The following SNX29 variants were observed in gnomAD, a reference collection of about 807,000 sequenced individuals.
SNX29 encodes the protein sorting nexin-29.
A neutral mutation model predicts 102.1 loss-of-function variants in SNX29; 78 were observed. The observed-to-expected ratio is 0.76, with a 90% confidence interval of 0.64 to 0.92. The LOEUF (loss-of-function observed/expected upper bound fraction) is 0.92, where lower values mean the gene tolerates loss of function less well. Ranked by LOEUF, SNX29 falls within the 40% of genes least tolerant of loss-of-function variation. SNX29 has a pLI of 0.00. For missense variants in SNX29, 1,280 were observed against 1,061.7 expected (o/e 1.21, Z -2.86); for synonymous variants, 580 against 414.5 (o/e 1.40, Z -4.85).
chr16:12,506,150 G>A (rs976430938), intron 19 of SNX29, among the ~76,000 whole-genome samples: 4 of 152,254 alleles, frequency 2.6e-5, no homozygotes, highest in South Asian at 4.1e-4. Flanking sequence ...TAGTAGAGAC[G>A]GAGTTTCACC....
At chr16:12,483,114 G>GTTTTTTGTTT (rs2088031350) in intron 19 of SNX29, among the ~76,000 whole-genome samples, 1 of 66,196 alleles carries the variant, frequency 1.5e-5, no homozygotes, top group African/African-American at 6.1e-5. Flanking sequence ...AAGTTATTAA[G>GTTTTTTGTTT]TTTTTTTTTT....
Position 12,573,255 on chromosome 16 carries a change from G to GTCA in SNX29, c.*4629_*4631dup. On this transcript the variant is annotated 3_prime_UTR_variant, in exon 21 of 21. Coordinates refer to ENST00000566228, the MANE Select transcript of SNX29 (RefSeq NM_032167.5). ...TGGTTGTTGAAATGTACCTCGATCAGTCATCTCTGGTATTCCTCACTCTAG... is the reference window on the plus strand; with the variant it reads ...TGGTTGTTGAAATGTACCTCGATCAGTCATCATCTCTGGTATTCCTCACTCTAG... 1 of 227,144 alleles carries GTCA rather than the reference G, an allele frequency of 4.4e-6. No homozygotes were observed. Among genetic ancestry groups the GTCA allele is most frequent in the Non-Finnish European group, 8.7e-6 (1 of 114,306 alleles). The allele number at this position is 227,144 out of a possible 1,614,324, so 14.1% of individuals were successfully genotyped here.
At chr16:12,421,278 C>G (rs2084861180) in intron 18 of SNX29, among the ~76,000 whole-genome samples, 1 of 152,152 alleles carries the variant, frequency 6.6e-6, no homozygotes, top group Non-Finnish European at 1.5e-5. Context: ...TCCTAAGAGC[C>G]AAGGAGGTGG....
chr16:12,329,277 A>AAAC (rs1491098617), intron 15 of SNX29, among the ~76,000 whole-genome samples: 1 of 2,876 alleles, frequency 3.5e-4, no homozygotes, highest in Non-Finnish European at 9.4e-4. Flanking sequence ...ACCTTGTCTC[A>AAAC]AAAAAAAAAA....
chr16:12,137,462 C>T (rs1465236549), intron 13 of SNX29, among the ~76,000 whole-genome samples: 3 of 152,164 alleles, frequency 2.0e-5, no homozygotes, highest in Non-Finnish European at 4.4e-5. Context: ...TTATTTGTCC[C>T]TGCTGGGCTG....
chr16:12,568,435 T>TCC (rs1270882708), intron 20 of SNX29, 71 bp from the exon 21 acceptor site: 29 of 1,583,382 alleles, frequency 1.8e-5, no homozygotes, highest in Non-Finnish European at 2.4e-5. Context: ...CACACCTGGC[T>TCC]CCCCTTCCTG....
chr16:12,411,102 C>A (rs2084380245), intron 18 of SNX29, among the ~76,000 whole-genome samples: 1 of 152,214 alleles, frequency 6.6e-6, no homozygotes, highest in South Asian at 2.1e-4. Flanking sequence ...CTCTGAGAAG[C>A]CTCTGCCTTA....
intron 18 of SNX29, among the ~76,000 whole-genome samples, chr16:12,412,098 G>A (rs558969548): frequency 6.6e-5 from 10 of 152,214 alleles, no homozygotes; most frequent in Non-Finnish European, 1.2e-4. Flanking sequence ...CGAAGTTCAA[G>A]GGCGGTTACA....
At position 12,096,086 on chromosome 16, in the gene SNX29, G is replaced by A. The variant is rs1343032239; in HGVS notation, c.1402+17171G>A. Among the ~76,000 whole-genome samples, 1 of 152,240 alleles carries A rather than the reference G, an allele frequency of 6.6e-6. No individual in the cohort carries two copies. The highest frequency in any genetic ancestry group is 1.5e-5 in the Non-Finnish European group (1 of 68,044). On this transcript the variant is annotated intron_variant, in intron 11 of 20. Transcript: ENST00000566228. The surrounding 1 kb of genome is among the most constrained non-coding windows in gnomAD (Gnocchi z 4.2). ...ATAAAATTTTAGGATGAGATGGTGG[G>A]GCAGTGGCCGTTAAATCGGCTGCAG...
chr16:12,467,762 A>G (rs1054411486), intron 18 of SNX29, among the ~76,000 whole-genome samples: 1 of 152,192 alleles, frequency 6.6e-6, no homozygotes, highest in Non-Finnish European at 1.5e-5. Flanking sequence ...GACCAGATCC[A>G]TGTCCTCATG....
At chr16:12,122,111 C>T (rs374545935) in intron 11 of SNX29, among the ~76,000 whole-genome samples, 11 of 152,306 alleles carry the variant, frequency 7.2e-5, no homozygotes, top group East Asian at 1.9e-4. Flanking sequence ...CCACTGTGCC[C>T]GGCCAGGATG....
chr16:12,284,955 A>G (rs8061549), intron 15 of SNX29, among the ~76,000 whole-genome samples: 81,282 of 151,908 alleles, frequency 0.54, 22,191 homozygotes, highest in Non-Finnish European at 0.6. Flanking sequence ...CGAACTCCTG[A>G]CCTCAGGTGA....
chr16:12,306,409 A>G (rs550355298), intron 15 of SNX29, among the ~76,000 whole-genome samples: 27 of 152,012 alleles, frequency 1.8e-4, no homozygotes, highest in African/African-American at 5.1e-4. Context: ...AGAGAGAACA[A>G]TGTCCTCCAG....
intron 14 of SNX29, among the ~76,000 whole-genome samples, chr16:12,270,414 C>G (rs986067221): frequency 9.9e-5 from 15 of 152,134 alleles, no homozygotes; most frequent in African/African-American, 3.6e-4. Flanking sequence ...TGCTGCCTTC[C>G]TTAATACCCA....
intron 4 of SNX29, among the ~76,000 whole-genome samples, chr16:12,037,262 C>T (rs1321781397): frequency 1.3e-5 from 2 of 152,124 alleles, no homozygotes; most frequent in Non-Finnish European, 2.9e-5. Flanking sequence ...TCCAGGAACA[C>T]CATGCTTATA....
intron 3 of SNX29, among the ~76,000 whole-genome samples, chr16:12,013,500 A>AAAAAAAAAATATATATATATATAT: frequency 3.2e-5 from 1 of 31,634 alleles, no homozygotes; most frequent in Non-Finnish European, 6.1e-5. Flanking sequence ...AAAAAAAAAA[A>AAAAAAAAAATATATATATATATAT]ATATATATAT....
chr16:12,132,229 G>A (rs1261926407), intron 13 of SNX29, among the ~76,000 whole-genome samples: 1 of 151,814 alleles, frequency 6.6e-6, no homozygotes, highest in African/African-American at 2.4e-5. Context: ...CTCCCAAGTA[G>A]CTGGTATTAC....
chr16:12,384,353 C>T (rs2083277210), intron 16 of SNX29, among the ~76,000 whole-genome samples: 1 of 152,194 alleles, frequency 6.6e-6, no homozygotes, highest in Non-Finnish European at 1.5e-5. Context: ...TACAAGGCTT[C>T]CCTTTTCTCC....
At chr16:12,039,270 A>G (rs1014161881) in intron 4 of SNX29, among the ~76,000 whole-genome samples, 1 of 152,204 alleles carries the variant, frequency 6.6e-6, no homozygotes, top group African/African-American at 2.4e-5. Flanking sequence ...TTCCCTTTCT[A>G]GTTACCCCAG....
Sources: allele counts gnomAD v4.1 joint callset (sites outside exome capture counted in the v4.1 genomes callset), GRCh38; gene constraint gnomAD v4.1.1; non-coding constraint Gnocchi (gnomAD v3.1); transcripts MANE v1.5; gene names NCBI Gene and HGNC (gene_info 2026-07-23, HGNC 2026-07-21).